The following SPATS2L variants were observed in gnomAD, a reference collection of about 807,000 sequenced individuals.
The protein encoded by SPATS2L is spermatogenesis associated serine rich 2 like, also known as SPATS2-like protein.
A neutral mutation model predicts 59.6 loss-of-function variants in SPATS2L; 30 were observed. That is an observed-to-expected ratio of 0.50 (90% confidence interval 0.38 to 0.68). The LOEUF (loss-of-function observed/expected upper bound fraction) is 0.68. Ranked by LOEUF, SPATS2L falls within the 30% of genes least tolerant of loss-of-function variation. SPATS2L has a pLI of 0.00. For missense variants in SPATS2L, 615 were observed against 700.0 expected (o/e 0.88, Z 1.37); for synonymous variants, 252 against 263.5 (o/e 0.96, Z 0.42).
chr2:200,374,294 G>A (rs1369061621), intron 2 of SPATS2L, among the ~76,000 whole-genome samples: 2 of 152,124 alleles, frequency 1.3e-5, no homozygotes, highest in East Asian at 1.9e-4. Context: ...TTTCACTTTC[G>A]CTCTTCCTCA....
chr2:200,312,864 T>C (rs968509579), intron 1 of SPATS2L, among the ~76,000 whole-genome samples: 1 of 152,232 alleles, frequency 6.6e-6, no homozygotes, highest in African/African-American at 2.4e-5. Context: ...TGCAAAGTAC[T>C]AGTTCATTAT....
intron 6 of SPATS2L, among the ~76,000 whole-genome samples, chr2:200,423,107 A>G (rs184540300): frequency 5.9e-5 from 9 of 152,322 alleles, no homozygotes; most frequent in African/African-American, 9.6e-5. Context: ...ATTTCATCAC[A>G]TTACTCAGAA....
chr2:200,321,060 T>TA (rs2079545700), intron 1 of SPATS2L, among the ~76,000 whole-genome samples: 2 of 152,208 alleles, frequency 1.3e-5, no homozygotes, highest in Non-Finnish European at 2.9e-5. Context: ...CTGAAATGGA[T>TA]AAAAAATTAA....
intron 2 of SPATS2L, among the ~76,000 whole-genome samples, chr2:200,379,534 A>G (rs969118693): frequency 1.3e-5 from 2 of 152,198 alleles, no homozygotes; most frequent in Non-Finnish European, 2.9e-5. Flanking sequence ...GCCCATAGCT[A>G]AAGAGATGGG....
intron 2 of SPATS2L, among the ~76,000 whole-genome samples, chr2:200,382,155 G>T (rs989913006): frequency 3.9e-5 from 6 of 152,020 alleles, no homozygotes; most frequent in Admixed American, 6.6e-5. Flanking sequence ...CCACCTACCG[G>T]GTTCAAGCAA....
At chr2:200,351,250 T>C (rs867960589) in intron 2 of SPATS2L, 3 of 471,458 alleles carry the variant, frequency 6.4e-6, no homozygotes, top group Middle Eastern at 3.2e-4. Flanking sequence ...TTTGTGTTTT[T>C]AGATGCACTA....
upstream of SPATS2L, chr2:200,306,587 G>C (rs1204664178): frequency 1.0e-6 from 1 of 1,001,180 alleles, no homozygotes; most frequent in Non-Finnish European, 1.2e-6. Context: ...GCGCCGGCTG[G>C]GGTGTGTGCT....
In SPATS2L at chr2:200,481,830, G is replaced by GTGCA. The variant is rs1158112156; in HGVS notation, c.*3799_*3800insTGCA. On this transcript the variant is annotated 3_prime_UTR_variant, in exon 13 of 13. Transcript: ENST00000409140. ...CGAGTAGCTGGGACTACAGGCACCC[G>GTGCA]CCACCACACCTGGCTAATTTTTTGT... 3.5e-4 allele frequency: 53 copies of GTGCA among 152,222 alleles called. No individual in the cohort carries two copies. In the East Asian group the frequency reaches 0.01, roughly 29 times the overall value. The allele number at this position is 152,222 out of a possible 1,614,324, so 9.4% of individuals were successfully genotyped here. A position where few individuals can be genotyped will look rare whatever the true frequency, so the allele number is the denominator to read the frequency against.
intron 8 of SPATS2L, among the ~76,000 whole-genome samples, chr2:200,444,629 T>G (rs558336625): frequency 1.2e-4 from 19 of 152,248 alleles, no homozygotes; most frequent in African/African-American, 4.6e-4. Context: ...CCAGAAATGT[T>G]CCTATACTTT....
chr2:200,397,842 C>A (rs763414674), intron 3 of SPATS2L, among the ~76,000 whole-genome samples: 5 of 151,242 alleles, frequency 3.3e-5, no homozygotes, highest in Admixed American at 6.6e-5. Context: ...GAAAAAAAAA[C>A]CCACATATTT....
At chr2:200,418,826 T>C (rs1020477407) in intron 5 of SPATS2L, among the ~76,000 whole-genome samples, 1 of 152,136 alleles carries the variant, frequency 6.6e-6, no homozygotes, top group Admixed American at 6.6e-5. Context: ...GCCGAGCAGA[T>C]GGGAACCTTA....
At chr2:200,314,185 A>G (rs374671778) in intron 1 of SPATS2L, among the ~76,000 whole-genome samples, 5 of 152,246 alleles carry the variant, frequency 3.3e-5, no homozygotes, top group East Asian at 1.9e-4. Flanking sequence ...CACTTCCCCA[A>G]CTTCAATCCA....
At chr2:200,308,017 G>C (rs1365264532) in intron 1 of SPATS2L, among the ~76,000 whole-genome samples, 2 of 151,542 alleles carry the variant, frequency 1.3e-5, no homozygotes, top group Non-Finnish European at 2.9e-5. Flanking sequence ...CAAGCCGACA[G>C]ACTTTAAGAC....
chr2:200,334,699 A>G (rs1337386609), intron 2 of SPATS2L, among the ~76,000 whole-genome samples: 1 of 151,954 alleles, frequency 6.6e-6, no homozygotes, highest in Non-Finnish European at 1.5e-5. Context: ...ATAAGGTGTA[A>G]GGAAGGGATC....
intron 1 of SPATS2L, among the ~76,000 whole-genome samples, chr2:200,316,024 C>CAAA (rs369862567): frequency 1.8e-4 from 9 of 49,764 alleles, no homozygotes; most frequent in Non-Finnish European, 2.0e-4. Flanking sequence ...GACTCCATCT[C>CAAA]AAAAAAAAAA....
chr2:200,437,551 AC>A (rs2084385733), intron 6 of SPATS2L, among the ~76,000 whole-genome samples: 2 of 152,168 alleles, frequency 1.3e-5, no homozygotes, highest in Non-Finnish European at 2.9e-5. Context: ...GTGAAGTTCT[AC>A]CTTAATATCA....
At chr2:200,442,594 C>T (rs1249634132) in intron 8 of SPATS2L, among the ~76,000 whole-genome samples, 4 of 152,188 alleles carry the variant, frequency 2.6e-5, no homozygotes, top group Non-Finnish European at 4.4e-5. Flanking sequence ...TTCCTCTGAG[C>T]CCTCTGTGTG....
chr2:200,326,201 T>C (rs2079735207), intron 1 of SPATS2L, among the ~76,000 whole-genome samples: 2 of 152,182 alleles, frequency 1.3e-5, no homozygotes, highest in South Asian at 4.1e-4. Context: ...AGCCTTGAAC[T>C]CTGGGCTAAA....
chr2:200,423,885 ATTTTTTGGTAGG>A (rs1292674478), intron 6 of SPATS2L, among the ~76,000 whole-genome samples: 1 of 152,144 alleles, frequency 6.6e-6, no homozygotes. Context: ...AAACAGAATC[ATTTTTTGGTAGG>A]GGAAAAGTTA....
Sources: allele counts gnomAD v4.1 joint callset (sites outside exome capture counted in the v4.1 genomes callset), GRCh38; gene constraint gnomAD v4.1.1; transcripts MANE v1.5; gene names NCBI Gene and HGNC (gene_info 2026-07-23, HGNC 2026-07-21).